SH3D19: variants seen among roughly 807,000 people sequenced by gnomAD.
SH3D19 encodes the protein SH3 domain containing 19.
SH3D19 carries 58 observed loss-of-function variants against 112.1 expected under a neutral mutation model. The ratio of observed to expected loss-of-function variants is 0.52; its 90% CI spans 0.42 to 0.64. SH3D19 has a LOEUF of 0.64. SH3D19 is among the 30% of genes least tolerant of loss of function. The pLI, the probability that SH3D19 is intolerant of heterozygous loss-of-function variation, is 0.00. For synonymous variants in SH3D19, 391 were observed against 448.5 expected (o/e 0.87, Z 1.62); for missense variants, 1,090 against 1,263.4 (o/e 0.86, Z 2.08).
intron 8 of SH3D19, among the ~76,000 whole-genome samples, chr4:151,161,310 G>A (rs750539943): frequency 5.9e-5 from 9 of 152,108 alleles, no homozygotes; most frequent in Non-Finnish European, 1.2e-4. Flanking sequence ...TTTGCACCAC[G>A]AAGCTATCCC....
chr4:151,164,724 C>T (rs971201044), intron 8 of SH3D19, among the ~76,000 whole-genome samples: 5 of 151,862 alleles, frequency 3.3e-5, no homozygotes, highest in Admixed American at 6.6e-5. Flanking sequence ...GGACTACAGG[C>T]GCGCAGCACC....
chr4:151,249,490 G>T (rs971438913), intron 1 of SH3D19, among the ~76,000 whole-genome samples: 11 of 152,028 alleles, frequency 7.2e-5, no homozygotes, highest in African/African-American at 2.7e-4. Context: ...TACTATTACA[G>T]GTCCCTCTTT....
At chr4:151,291,171 A>T (rs1174881219) in intron 1 of SH3D19, 3 of 1,613,952 alleles carry the variant, frequency 1.9e-6, no homozygotes, top group Non-Finnish European at 2.5e-6. Flanking sequence ...GGATCCAGAC[A>T]GGAGTAGTAA....
chr4:151,248,114 CTTTTTTTTT>C lies in SH3D19; in HGVS notation c.113-22037_113-22029del, dbSNP rs59021784. Among the ~76,000 whole-genome samples, 53 of 151,190 alleles carry C rather than the reference CTTTTTTTTT, an allele frequency of 3.5e-4. No homozygotes were observed. In the Middle Eastern group the frequency reaches 0.01, roughly 29 times the overall value. Reference sequence around the variant, plus strand: ...CTGTAAGGTATTTTTTAATGTTTTACTTTTTTTTTTTTGTTTGTTTGTTTTTGTTTTTAG... The same window carrying C: ...CTGTAAGGTATTTTTTAATGTTTTACTTTGTTTGTTTGTTTTTGTTTTTAG... On this transcript the variant is annotated intron_variant, in intron 1 of 19. Coordinates refer to ENST00000604030, the MANE Select transcript of SH3D19 (RefSeq NM_001378122.1).
chr4:151,189,892 G>T (rs1762371600), intron 2 of SH3D19, among the ~76,000 whole-genome samples: 1 of 152,308 alleles, frequency 6.6e-6, no homozygotes, highest in South Asian at 2.1e-4. Flanking sequence ...GCAGGGGTTG[G>T]AATAGTTTGG....
intron 1 of SH3D19, among the ~76,000 whole-genome samples, chr4:151,231,584 GT>G (rs1769612065): frequency 6.6e-6 from 1 of 152,066 alleles, no homozygotes; most frequent in Admixed American, 6.5e-5. Flanking sequence ...TATATTTGTT[GT>G]TGCTGAAATA....
chr4:151,211,505 G>A (rs1765964861), intron 2 of SH3D19, among the ~76,000 whole-genome samples: 1 of 151,406 alleles, frequency 6.6e-6, no homozygotes. Context: ...GTTTAGTGAG[G>A]AAGGCAGGTC....
intron 11 of SH3D19, 60 bp from the exon 12 acceptor site, chr4:151,144,110 T>C (rs1753498866): frequency 1.3e-6 from 2 of 1,588,508 alleles, no homozygotes; most frequent in Non-Finnish European, 1.7e-6. Context: ...TTATTACTTT[T>C]TCACATTTTA....
rs758639804 is a variant in SH3D19, at chr4:151,243,729, A to AT, written c.113-17644dup. ...CCAGGGCTATACCGTAAGTCAAAGC[A>AT]TTACAACTGTTGGGAGAAAAGCTGG... On this transcript the variant is annotated intron_variant, in intron 1 of 19. Transcript: ENST00000604030. Among the ~76,000 whole-genome samples the AT allele has an allele frequency of 1.4e-3, 206 of 152,368 alleles. 3 individuals carry two copies. The highest frequency in any genetic ancestry group is 8.6e-3 in the Admixed American group (132 of 15,308).
chr4:151,224,593 A>G (rs1013661907), intron 2 of SH3D19, among the ~76,000 whole-genome samples: 5 of 152,220 alleles, frequency 3.3e-5, no homozygotes, highest in African/African-American at 9.6e-5. Flanking sequence ...TCCAATCTTC[A>G]GAATGTCAAA....
At position 151,129,294 on chromosome 4, in the gene SH3D19, T is replaced by C. The variant is rs1038692575; in HGVS notation, c.2743-938A>G. ...GGCACATTAGAGAAAGGTTTTGCTCTGTGAAGAGGCAGCTCTGCCAATTTG... is the reference window on the plus strand; with the variant it reads ...GGCACATTAGAGAAAGGTTTTGCTCCGTGAAGAGGCAGCTCTGCCAATTTG... On this transcript the variant is annotated intron_variant, in intron 17 of 19. Coordinates refer to ENST00000604030, the MANE Select transcript of SH3D19 (RefSeq NM_001378122.1). 6.6e-5 allele frequency among the ~76,000 whole-genome samples: 10 copies of C among 152,216 alleles called. No homozygotes were observed. In the East Asian group the frequency reaches 1.3e-3, roughly 20 times the overall value.
In SH3D19 at chr4:151,279,738, G is replaced by A. The variant is rs1279419014; in HGVS notation, c.112+45503C>T. The A allele has an allele frequency of 2.0e-6, 3 of 1,513,464 alleles. No homozygotes were observed. The African/African-American group carries it at 4.1e-5, about 21-fold the overall frequency. 93.8% of individuals were successfully genotyped at this position (1,513,464 alleles called of 1,614,324 possible). ...GGAGTTTGGGAATGATGATAAGGTG[G>A]GGACCAGAGAAACAGGACTCCTAGG... On this transcript the variant is annotated intron_variant, in intron 1 of 19. Transcript: ENST00000604030.
intron 19 of SH3D19, among the ~76,000 whole-genome samples, chr4:151,123,609 C>G (rs894396280): frequency 1.5e-4 from 23 of 152,222 alleles, no homozygotes; most frequent in African/African-American, 3.6e-4. Context: ...CATTTTTTTC[C>G]CATCTTAAAG....
intron 1 of SH3D19, among the ~76,000 whole-genome samples, chr4:151,275,277 C>T (rs991955214): frequency 6.6e-6 from 1 of 152,000 alleles, no homozygotes; most frequent in East Asian, 2.0e-4. Flanking sequence ...TTAGTAGAGA[C>T]GGGTTTTCAC....
chr4:151,228,083 T>C (rs1021033313), intron 1 of SH3D19: 5 of 966,702 alleles, frequency 5.2e-6, no homozygotes, highest in African/African-American at 1.8e-5. Flanking sequence ...GTCATTTTTA[T>C]ACTTTCTGCT....
At chr4:151,305,682 C>A (rs1728846646) in intron 1 of SH3D19, among the ~76,000 whole-genome samples, 2 of 152,188 alleles carry the variant, frequency 1.3e-5, no homozygotes, top group African/African-American at 4.8e-5. Context: ...GCATCAAGTG[C>A]TGGTGAGAAT....
intron 17 of SH3D19, among the ~76,000 whole-genome samples, chr4:151,131,756 G>A (rs1750767491): frequency 6.6e-6 from 1 of 151,924 alleles, no homozygotes; most frequent in Non-Finnish European, 1.5e-5. Flanking sequence ...CCAAAGTGCT[G>A]GGATTACAGG....
At chr4:151,127,764 A>G in intron 18 of SH3D19, 49 bp from the exon 19 acceptor site, 1 of 1,082,784 alleles carries the variant, frequency 9.2e-7, no homozygotes, top group Non-Finnish European at 1.3e-6. Context: ...GTGGACTAAA[A>G]CACAAATCTA....
At chr4:151,166,530 T>C (rs1758061161) in intron 7 of SH3D19, among the ~76,000 whole-genome samples, 1 of 151,242 alleles carries the variant, frequency 6.6e-6, no homozygotes, top group Non-Finnish European at 1.5e-5. Context: ...CAAGTAAAAA[T>C]ATTAACAAAA....
Sources: gnomAD v4.1 joint callset for allele counts (sites outside exome capture counted in the v4.1 genomes callset) on GRCh38, gnomAD v4.1.1 for gene constraint, MANE v1.5 for transcripts, NCBI Gene and HGNC (gene_info 2026-07-23, HGNC 2026-07-21) for gene names.